ARHGAP39: variants seen among roughly 807,000 people sequenced by gnomAD.
ARHGAP39 encodes the protein Rho GTPase activating protein 39.
Under a neutral mutation model 106.9 loss-of-function variants are expected in ARHGAP39, and 44 were observed. The observed-to-expected ratio is 0.41, with a 90% CI of 0.32 to 0.53. ARHGAP39 has a LOEUF of 0.53. Among genes scored for constraint, ARHGAP39 ranks in the 20% least tolerant of loss-of-function variants. The pLI is 0.21. For synonymous variants in ARHGAP39, 768 were observed against 693.2 expected (o/e 1.11, Z -1.69); for missense variants, 1,496 against 1,577.3 (o/e 0.95, Z 0.87).
chr8:144,570,435 A>C (rs1818546848), intron 3 of ARHGAP39, among the ~76,000 whole-genome samples: 1 of 152,220 alleles, frequency 6.6e-6, no homozygotes, highest in African/African-American at 2.4e-5. Context: ...AAGGAGGCAA[A>C]TTCTAACCAA....
At chr8:144,695,321 G>A in the ARHGAP39 span, among the ~76,000 whole-genome samples, 3 of 150,702 alleles carry the variant, frequency 2.0e-5, no homozygotes, top group East Asian at 2.0e-4. Flanking sequence ...TGATCTGCCC[G>A]CCTCGGCCTC....
At chr8:144,573,099 T>C (rs886444001) in intron 3 of ARHGAP39, among the ~76,000 whole-genome samples, 2 of 152,250 alleles carry the variant, frequency 1.3e-5, no homozygotes, top group African/African-American at 4.8e-5. Context: ...ATCTCATTAC[T>C]GGGTATATAC....
intron 3 of ARHGAP39, among the ~76,000 whole-genome samples, chr8:144,579,313 T>C (rs1818883159): frequency 6.7e-6 from 1 of 149,688 alleles, no homozygotes; most frequent in African/African-American, 2.5e-5. Context: ...CTACAATAGC[T>C]AAAAGAAATC....
rs757559087 is a variant in ARHGAP39, at chr8:144,547,997, G to T, written c.1089C>A (p.Gly363=). Residue 363 remains glycine, a synonymous_variant, in exon 5 of 12, where the codon GGC becomes GGA. Transcript: ENST00000377307. The surrounding 1 kb of genome is among the most constrained non-coding windows in gnomAD (Gnocchi z 5.2). The part of the protein sequence containing the change: ...PRPFLQPNKQ[G]PPSPCQQLVL... ...CCAGCTGCTGGCAGGGCGAGGGGGG[G>T]CCCTGCTTGTTGGGCTGGAGGAACG... 3.1e-6 allele frequency: 5 copies of T among 1,610,022 alleles called. No individual in the cohort carries two copies. The highest frequency in any genetic ancestry group is 4.2e-6 in the Non-Finnish European group (5 of 1,179,160).
rs1394524190 is a variant in ARHGAP39 at position 144,683,714 on chromosome 8, C to G, written c.-82+1972G>C. On this transcript the variant is annotated intron_variant, in intron 1 of 11. Coordinates refer to ENST00000377307, the MANE Select transcript of ARHGAP39 (RefSeq NM_025251.3). ...TCATCTAAGTATGTGAGGCTTGTCT[C>G]TCTTTTACCTTTATAAACATGTGTT... Among the ~76,000 whole-genome samples, 3 of 152,128 alleles carry G rather than the reference C, an allele frequency of 2.0e-5. No individual in the cohort carries two copies. The East Asian group carries it at 5.8e-4, about 29-fold the overall frequency.
intron 1 of ARHGAP39, among the ~76,000 whole-genome samples, chr8:144,661,270 T>G (rs967168831): frequency 2.0e-5 from 3 of 151,922 alleles, no homozygotes; most frequent in African/African-American, 7.3e-5. Flanking sequence ...CACACAAGGC[T>G]CCCAAAGCTC....
intron 1 of ARHGAP39, among the ~76,000 whole-genome samples, chr8:144,618,699 C>A (rs536986540): frequency 6.6e-6 from 1 of 152,194 alleles, no homozygotes; most frequent in African/African-American, 2.4e-5. Flanking sequence ...CTGAAGAGGC[C>A]GGGCGCAGGA....
chr8:144,663,999 G>A (rs185340016), intron 1 of ARHGAP39, among the ~76,000 whole-genome samples: 14 of 152,084 alleles, frequency 9.2e-5, no homozygotes, highest in South Asian at 2.1e-4. Flanking sequence ...AAAGCCTGTC[G>A]CTACGAAAAA....
At chr8:144,650,508 A>AC (rs2129645271) in intron 1 of ARHGAP39, among the ~76,000 whole-genome samples, 1 of 152,274 alleles carries the variant, frequency 6.6e-6, no homozygotes, top group Admixed American at 6.5e-5. Flanking sequence ...AATCCTCAAA[A>AC]AAATACTTGC....
At position 144,530,090 on chromosome 8, in the gene ARHGAP39, A is replaced by T. The variant is rs746824766; in HGVS notation, c.*332T>A. 11 of 307,400 alleles carry T rather than the reference A, an allele frequency of 3.6e-5. No individual in the cohort carries two copies. Among genetic ancestry groups the T allele is most frequent in the Non-Finnish European group, 6.1e-5 (10 of 165,128 alleles). 19.0% of individuals were successfully genotyped at this position (307,400 alleles called of 1,614,324 possible). A position where few individuals can be genotyped will look rare whatever the true frequency, so the allele number is the denominator to read the frequency against. On this transcript the variant is annotated 3_prime_UTR_variant, in exon 12 of 12. Coordinates refer to ENST00000377307, the MANE Select transcript of ARHGAP39 (RefSeq NM_025251.3). ...GGGCGCGCAGGAGCCACAGGGAGGC[A>T]GCCCGGCCCCAAGGAGGCAGCGTCG...
intron 1 of ARHGAP39, among the ~76,000 whole-genome samples, chr8:144,619,976 G>C (rs564621861): frequency 6.7e-6 from 1 of 149,836 alleles, no homozygotes; most frequent in Non-Finnish European, 1.5e-5. Flanking sequence ...GTGAGCCTGT[G>C]CATCTGAGAG....
intron 1 of ARHGAP39, among the ~76,000 whole-genome samples, chr8:144,659,406 G>A (rs115423016): frequency 0.021 from 3,211 of 152,174 alleles, 132 homozygotes; most frequent in African/African-American, 0.074. Flanking sequence ...TTTTTCAATC[G>A]TTTTTGACCT....
chr8:144,603,225 G>A (rs1407011388), intron 2 of ARHGAP39, among the ~76,000 whole-genome samples: 1 of 150,316 alleles, frequency 6.7e-6, no homozygotes, highest in Admixed American at 6.6e-5. Flanking sequence ...GTACCTGTGT[G>A]TGTGCCTGGA....
At position 144,591,302 on chromosome 8, in the gene ARHGAP39, T is replaced by C. The variant is rs1586586990; in HGVS notation, c.81-10025A>G. Among the ~76,000 whole-genome samples the C allele has an allele frequency of 1.3e-5, 2 of 151,924 alleles. No homozygotes were observed. Among genetic ancestry groups the C allele is most frequent in the South Asian group, 2.1e-4 (1 of 4,808 alleles). Reference sequence around the variant, plus strand: ...CGTGTGAGGAGCACCTGCTGGGACATTGAAAAGGACAACGGCAGATGCAGC... The same window carrying C: ...CGTGTGAGGAGCACCTGCTGGGACACTGAAAAGGACAACGGCAGATGCAGC... On this transcript the variant is annotated intron_variant, in intron 2 of 11. Coordinates refer to ENST00000377307, the MANE Select transcript of ARHGAP39 (RefSeq NM_025251.3). The surrounding 1 kb of genome is among the most constrained non-coding windows in gnomAD (Gnocchi z 5.3).
intron 1 of ARHGAP39, among the ~76,000 whole-genome samples, chr8:144,628,012 G>A (rs748270199): frequency 2.6e-4 from 40 of 152,180 alleles, no homozygotes; most frequent in Admixed American, 2.0e-3. Flanking sequence ...GCTGGGGGCC[G>A]TGTTCCCCAG....
chr8:144,562,888 A>G (rs1285313695), intron 3 of ARHGAP39, among the ~76,000 whole-genome samples: 1 of 152,270 alleles, frequency 6.6e-6, no homozygotes, highest in East Asian at 1.9e-4. Context: ...AGTGGTTTCC[A>G]TCGGACTCCA....
intron 7 of ARHGAP39, among the ~76,000 whole-genome samples, chr8:144,535,079 T>C (rs1297000507): frequency 6.6e-6 from 1 of 152,184 alleles, no homozygotes; most frequent in Non-Finnish European, 1.5e-5. Flanking sequence ...CTTCTGGACA[T>C]GAGACCTGCC....
Position 144,591,777 on chromosome 8 carries a change from T to C in ARHGAP39, c.81-10500A>G, listed in dbSNP as rs910911813. Among the ~76,000 whole-genome samples the C allele has an allele frequency of 6.6e-6, 1 of 152,230 alleles. No homozygotes were observed. The highest frequency in any genetic ancestry group is 1.5e-5 in the Non-Finnish European group (1 of 68,036). ...GACGCAGGTCAAACGCGGTGAGCAG[T>C]GAGGTGCCCTCGGCAACAGCACAGC... On this transcript the variant is annotated intron_variant, in intron 2 of 11. Coordinates refer to ENST00000377307, the MANE Select transcript of ARHGAP39 (RefSeq NM_025251.3). The surrounding 1 kb of genome is among the most constrained non-coding windows in gnomAD (Gnocchi z 5.3).
At chr8:144,582,236 A>G (rs1228030740) in intron 2 of ARHGAP39, among the ~76,000 whole-genome samples, 2 of 152,212 alleles carry the variant, frequency 1.3e-5, no homozygotes, top group African/African-American at 2.4e-5. Flanking sequence ...AAGGACAGAA[A>G]GAGCCCCCCT....
Sources: gnomAD v4.1 joint callset for allele counts (sites outside exome capture counted in the v4.1 genomes callset) on GRCh38, gnomAD v4.1.1 for gene constraint, Gnocchi (gnomAD v3.1) non-coding constraint, MANE v1.5 for transcripts, NCBI Gene and HGNC (gene_info 2026-07-23, HGNC 2026-07-21) for gene names.